The following WWC2 variants were observed in gnomAD, a reference collection of about 807,000 sequenced individuals.
WWC2 encodes the protein protein WWC2.
A neutral mutation model predicts 138.5 loss-of-function variants in WWC2; 101 were observed. The ratio of observed to expected loss-of-function variants is 0.73; its 90% CI spans 0.62 to 0.86. The LOEUF (loss-of-function observed/expected upper bound fraction) is 0.86. Ranked by LOEUF, WWC2 falls within the 40% of genes least tolerant of loss-of-function variation. The probability of loss-of-function intolerance (pLI) is 0.00; values close to 1 mark genes in which losing one functional copy is unlikely to be tolerated. For missense variants in WWC2, 1,420 were observed against 1,419.4 expected, an observed-to-expected ratio of 1.00 and a Z score of -0.01; for synonymous variants, 558 against 538.4, an observed-to-expected ratio of 1.04 and a Z score of -0.50.
Position 183,249,886 on chromosome 4 carries a change from TA to T in WWC2, c.880-32del, listed in dbSNP as rs148094030. On this transcript the variant is annotated intron_variant, in intron 7 of 22. Coordinates refer to ENST00000403733, the MANE Select transcript of WWC2 (RefSeq NM_024949.6). ...AATTTACTTCATTCATTAGCAGAGT[TA>T]ATTGACTTTTTTCCTTTTTCTTTTT... 1,776 of 1,558,110 alleles carry T rather than the reference TA, an allele frequency of 1.1e-3. 15 individuals are homozygous for T. In the African/African-American group the frequency reaches 0.022, roughly 19 times the overall value.
rs745844409 is a variant in WWC2 at position 183,289,764 on chromosome 4, CAT to C, written c.3384+132_3384+133del. ...TTAGATGTTTTACTACAGCTTGGAA[CAT>C]ATTTTTCCCACTGTTATAGGCCCTT... On this transcript the variant is annotated intron_variant, in intron 21 of 22. Transcript: ENST00000403733. The C allele has an allele frequency of 1.0e-5, 13 of 1,279,512 alleles. No individual in the cohort carries two copies. The African/African-American group carries it at 1.8e-4, about 18-fold the overall frequency. 79.3% of individuals were successfully genotyped at this position (1,279,512 alleles called of 1,614,324 possible).
chr4:183,201,553 G>C (rs141529615), intron 2 of WWC2, among the ~76,000 whole-genome samples: 81 of 152,258 alleles, frequency 5.3e-4, no homozygotes, highest in Non-Finnish European at 8.5e-4. Flanking sequence ...TAGAGGCCAG[G>C]TTAAACACCC....
chr4:183,282,657 T>G (rs1233758029), intron 17 of WWC2, 51 bp from the exon 18 acceptor site: 2 of 1,530,434 alleles, frequency 1.3e-6, no homozygotes, highest in African/African-American at 1.4e-5. Context: ...GGTTGCGTGT[T>G]CATGGAGCAT....
chr4:183,157,726 C>T (rs896989455), intron 1 of WWC2, among the ~76,000 whole-genome samples: 7 of 152,116 alleles, frequency 4.6e-5, no homozygotes, highest in Middle Eastern at 3.4e-3. Flanking sequence ...TGGTCTGGAT[C>T]TCCTGACCTT....
rs759010500 is a variant in WWC2, at chr4:183,271,132, C to G, written c.2453C>G (p.Thr818Ser). ...TTACCATTTTCCAGTGAGGTTTTCACTCTATGGTATAACTTGCTTCCTTCC... is the reference window on the plus strand; with the variant it reads ...TTACCATTTTCCAGTGAGGTTTTCAGTCTATGGTATAACTTGCTTCCTTCC... ...ADLPFSSEVFTLWYNLLPSKQ... is the reference protein window; with the variant it reads ...ADLPFSSEVFSLWYNLLPSKQ... The change falls in exon 16 of 23, where the codon ACT (threonine) becomes AGT (serine). Residue 818 changes from threonine to serine, a missense_variant. Physicochemically the swap from Thr to Ser is moderately conservative, Grantham distance 58. Coordinates refer to ENST00000403733, the MANE Select transcript of WWC2 (RefSeq NM_024949.6). 2 of 1,611,900 alleles carry G rather than the reference C, an allele frequency of 1.2e-6. No individual in the cohort carries two copies. The highest frequency in any genetic ancestry group is 1.7e-6 in the Non-Finnish European group (2 of 1,178,992).
chr4:183,184,546 A>G (rs1560831022), intron 1 of WWC2, among the ~76,000 whole-genome samples: 2 of 152,194 alleles, frequency 1.3e-5, no homozygotes, highest in Non-Finnish European at 2.9e-5. Context: ...CTTTCTGAGG[A>G]ATTGCTAAAC....
At chr4:183,114,464 GA>G (rs1347500581) in intron 1 of WWC2, among the ~76,000 whole-genome samples, 1 of 152,136 alleles carries the variant, frequency 6.6e-6, no homozygotes, top group East Asian at 1.9e-4. Context: ...CCCAGATATA[GA>G]ATCTTTTGTT....
At chr4:183,292,152 C>T (rs1738474191) in intron 21 of WWC2, among the ~76,000 whole-genome samples, 1 of 152,052 alleles carries the variant, frequency 6.6e-6, no homozygotes. Context: ...GCTGTGATTG[C>T]ACCACTGCGT....
At chr4:183,135,150 C>T (rs531156424) in intron 1 of WWC2, among the ~76,000 whole-genome samples, 2 of 152,220 alleles carry the variant, frequency 1.3e-5, no homozygotes, top group Admixed American at 1.3e-4. Flanking sequence ...AACTCCTGAC[C>T]TCAGGTGATC....
intron 16 of WWC2, among the ~76,000 whole-genome samples, chr4:183,273,149 G>T (rs1010821017): frequency 1.3e-5 from 2 of 151,860 alleles, no homozygotes; most frequent in Non-Finnish European, 2.9e-5. Context: ...GTGTGAAGTG[G>T]TGTTTTCACT....
chr4:183,192,957 G>A (rs148461504), intron 1 of WWC2, among the ~76,000 whole-genome samples: 157 of 152,236 alleles, frequency 1.0e-3, no homozygotes, highest in Non-Finnish European at 1.8e-3. Context: ...CAGAGAAAGC[G>A]TCTTAAAGAA....
intron 6 of WWC2, 64 bp downstream of exon 6, chr4:183,245,609 T>TG (rs1736754087): frequency 2.0e-6 from 3 of 1,474,692 alleles, no homozygotes; most frequent in Admixed American, 4.6e-5. Context: ...AAACTCTTAC[T>TG]GGGGCAGAAG....
intron 1 of WWC2, among the ~76,000 whole-genome samples, chr4:183,166,009 A>G (rs560816409): frequency 3.9e-5 from 6 of 152,340 alleles, no homozygotes; most frequent in Admixed American, 2.0e-4. Flanking sequence ...GAAGAGTGCC[A>G]CACTGATATC....
At chr4:183,263,016 C>T (rs1033543303) in intron 11 of WWC2, among the ~76,000 whole-genome samples, 2 of 152,140 alleles carry the variant, frequency 1.3e-5, no homozygotes, top group Non-Finnish European at 2.9e-5. Flanking sequence ...ACTCAGCACA[C>T]AGTTCATGGT....
chr4:183,175,108 A>G (rs1734423184), intron 1 of WWC2, among the ~76,000 whole-genome samples: 1 of 152,200 alleles, frequency 6.6e-6, no homozygotes, highest in South Asian at 2.1e-4. Context: ...TACATTTCCC[A>G]GGAACAAAAA....
intron 1 of WWC2, among the ~76,000 whole-genome samples, chr4:183,143,643 C>CA (rs900562995): frequency 2.6e-5 from 4 of 151,172 alleles, no homozygotes; most frequent in African/African-American, 9.7e-5. Flanking sequence ...CCCATGTCTA[C>CA]AAAAAATGCA....
chr4:183,282,819 G>A lies in WWC2; in HGVS notation c.2796G>A (p.Val932=), dbSNP rs1449379836. Residue 932 remains valine (V), a synonymous_variant, in exon 18 of 23, where the codon GTG becomes GTA. Coordinates refer to ENST00000403733, the MANE Select transcript of WWC2 (RefSeq NM_024949.6). ...CTEDLSSCTS[V]PEMNEDGNRK... Reference sequence around the variant, plus strand: ...AAGATTTAAGTTCATGCACTAGTGTGCCTGAGATGAATGAAGACGGGAACA... The same window carrying A: ...AAGATTTAAGTTCATGCACTAGTGTACCTGAGATGAATGAAGACGGGAACA... The A allele has an allele frequency of 1.3e-6, 2 of 1,590,346 alleles. No homozygotes were observed. Among genetic ancestry groups the A allele is most frequent in the Non-Finnish European group, 1.7e-6 (2 of 1,167,870 alleles).
intron 4 of WWC2, among the ~76,000 whole-genome samples, chr4:183,220,337 T>G (rs1038655534): frequency 6.6e-6 from 1 of 152,184 alleles, no homozygotes; most frequent in Non-Finnish European, 1.5e-5. Context: ...TGGTAATTTG[T>G]CCTGCAGCAT....
At chr4:183,112,065 T>C (rs1286819127) in intron 1 of WWC2, among the ~76,000 whole-genome samples, 2 of 152,210 alleles carry the variant, frequency 1.3e-5, no homozygotes, top group East Asian at 3.8e-4. Flanking sequence ...GCTAATGATA[T>C]TTCTCATAGG....
Sources: gnomAD v4.1 joint callset for allele counts (sites outside exome capture counted in the v4.1 genomes callset) on GRCh38, gnomAD v4.1.1 for gene constraint, MANE v1.5 for transcripts, NCBI Gene and HGNC (gene_info 2026-07-23, HGNC 2026-07-21) for gene names.